Variants in EYS observed in about 807,000 individuals in gnomAD.
EYS encodes EGF-like photoreceptor maintenance factor, also known as protein eyes shut homolog.
In EYS, 250 loss-of-function variants were observed where a neutral mutation model predicts 282.1. That is an observed-to-expected ratio of 0.89 (90% confidence interval 0.80 to 0.98). EYS has a LOEUF of 0.98. EYS is among the 50% of genes least tolerant of loss of function. The probability of loss-of-function intolerance (pLI) is 0.00; values close to 1 mark genes in which losing one functional copy is unlikely to be tolerated. For synonymous variants in EYS, 1,355 were observed against 1,282.9 expected, an observed-to-expected ratio of 1.06 and a Z score of -1.20; for missense variants, 4,016 against 3,709.0, an observed-to-expected ratio of 1.08 and a Z score of -2.15.
chr6:64,407,011 G>T (rs1050521058), intron 28 of EYS, among the ~76,000 whole-genome samples: 2 of 152,130 alleles, frequency 1.3e-5, no homozygotes, highest in Non-Finnish European at 2.9e-5. Context: ...TATGTTCATT[G>T]CAGAACTGTT....
chr6:65,697,091 G>T (rs571422521), intron 1 of EYS, among the ~76,000 whole-genome samples: 5 of 151,090 alleles, frequency 3.3e-5, no homozygotes, highest in Admixed American at 2.6e-4. Flanking sequence ...TTGTGTGTTT[G>T]TGTGTGTGTG....
chr6:65,547,434 A>C (rs1768433625), intron 2 of EYS, among the ~76,000 whole-genome samples: 1 of 152,046 alleles, frequency 6.6e-6, no homozygotes, highest in Non-Finnish European at 1.5e-5. Flanking sequence ...ATAATATTAC[A>C]GTAATGAATG....
chr6:64,017,889 A>G (rs115848754), intron 33 of EYS, among the ~76,000 whole-genome samples: 2,430 of 152,306 alleles, frequency 0.016, 50 homozygotes, highest in African/African-American at 0.049. Flanking sequence ...TTCCTGATAC[A>G]TAAAGGAACT....
intron 33 of EYS, among the ~76,000 whole-genome samples, chr6:64,061,693 A>G (rs1771176901): frequency 6.6e-6 from 1 of 152,214 alleles, no homozygotes; most frequent in South Asian, 2.1e-4. Context: ...ATTTTTGAAA[A>G]TAAGTTTTTA....
chr6:64,295,518 A>AAGAAG (rs1554140755), intron 30 of EYS, among the ~76,000 whole-genome samples: 1 of 35,902 alleles, frequency 2.8e-5, no homozygotes, highest in African/African-American at 2.0e-4. Flanking sequence ...AAGAAAGAAG[A>AAGAAG]AAGAAGAAAG....
rs143650720 is a variant in EYS at position 64,440,886 on chromosome 6, G to T, written c.5645-1534C>A. On this transcript the variant is annotated intron_variant, in intron 26 of 42. Transcript: ENST00000503581. Reference sequence around the variant, plus strand: ...AAATATGTATTATTTAAAAACTATGGATGAATTTCACTCATCATGACATGT... The same window carrying T: ...AAATATGTATTATTTAAAAACTATGTATGAATTTCACTCATCATGACATGT... Among the ~76,000 whole-genome samples the T allele has an allele frequency of 4.1e-3, 623 of 152,170 alleles. 5 individuals carry two copies. The highest frequency in any genetic ancestry group is 0.014 in the African/African-American group (589 of 41,506).
intron 33 of EYS, among the ~76,000 whole-genome samples, chr6:64,042,474 A>G (rs114862465): frequency 0.014 from 2,095 of 152,290 alleles, 40 homozygotes; most frequent in African/African-American, 0.046. Flanking sequence ...TTTCTATTAA[A>G]TGCTCATACA....
intron 2 of EYS, among the ~76,000 whole-genome samples, chr6:65,568,505 A>T (rs1764364324): frequency 6.6e-6 from 1 of 152,092 alleles, no homozygotes; most frequent in South Asian, 2.1e-4. Context: ...CCCCCTCACT[A>T]GCTATTTAAA....
intron 31 of EYS, among the ~76,000 whole-genome samples, chr6:64,192,155 C>A (rs534035902): frequency 2.1e-5 from 3 of 145,438 alleles, no homozygotes; most frequent in African/African-American, 7.6e-5. Flanking sequence ...TCATGTCCTT[C>A]GCCCACTTTT....
chr6:64,069,422 A>T (rs1487044838), intron 32 of EYS, among the ~76,000 whole-genome samples: 2 of 151,786 alleles, frequency 1.3e-5, no homozygotes, highest in African/African-American at 2.4e-5. Context: ...TATTGTTTTT[A>T]TCAGTATATG....
chr6:63,763,561 A>G (rs780355035), intron 40 of EYS, among the ~76,000 whole-genome samples: 41 of 151,698 alleles, frequency 2.7e-4, no homozygotes, highest in Non-Finnish European at 5.2e-4. Flanking sequence ...TCCTGTTCTC[A>G]TGGTAATGAG....
At chr6:64,042,160 T>A (rs1285234160) in intron 33 of EYS, among the ~76,000 whole-genome samples, 1 of 152,156 alleles carries the variant, frequency 6.6e-6, no homozygotes, top group Non-Finnish European at 1.5e-5. Context: ...AGGCAGCAGG[T>A]CATATTTTTG....
chr6:65,461,322 C>G (rs1023362667), intron 5 of EYS, among the ~76,000 whole-genome samples: 1 of 152,136 alleles, frequency 6.6e-6, no homozygotes, highest in African/African-American at 2.4e-5. Context: ...CATTACATAT[C>G]TAGGAAAACT....
At chr6:65,392,826 A>G (rs1393909932) in intron 7 of EYS, among the ~76,000 whole-genome samples, 3 of 151,264 alleles carry the variant, frequency 2.0e-5, no homozygotes, top group Non-Finnish European at 3.0e-5. Flanking sequence ...TACTGGGTAT[A>G]TACCCAAAGG....
chr6:64,792,512 AG>A (rs1774222351), intron 22 of EYS, among the ~76,000 whole-genome samples: 4 of 152,036 alleles, frequency 2.6e-5, no homozygotes, highest in Admixed American at 2.6e-4. Flanking sequence ...AGCAGTACCA[AG>A]CTGTGAAGAG....
At chr6:64,932,656 T>C (rs1207937771) in intron 15 of EYS, among the ~76,000 whole-genome samples, 1 of 151,976 alleles carries the variant, frequency 6.6e-6, no homozygotes. Flanking sequence ...TGAGGCTCTA[T>C]ACAAGCAGGA....
chr6:65,592,967 T>C (rs1305023852), intron 2 of EYS, among the ~76,000 whole-genome samples: 1 of 152,030 alleles, frequency 6.6e-6, no homozygotes, highest in Non-Finnish European at 1.5e-5. Context: ...TCTTTAATTC[T>C]GCCTCCTGTT....
chr6:63,825,661 A>G (rs67239008), intron 36 of EYS, among the ~76,000 whole-genome samples: 20,304 of 152,156 alleles, frequency 0.13, 1,725 homozygotes, highest in African/African-American at 0.24. Context: ...ACCGCAGTTC[A>G]GCTCACAGGA....
chr6:64,593,886 A>T (rs1766487389), intron 24 of EYS, among the ~76,000 whole-genome samples: 1 of 152,210 alleles, frequency 6.6e-6, no homozygotes, highest in South Asian at 2.1e-4. Context: ...GAAAATTGCG[A>T]TAATGTATAA....
Sources: gnomAD v4.1 joint callset for allele counts (sites outside exome capture counted in the v4.1 genomes callset) on GRCh38, gnomAD v4.1.1 for gene constraint, MANE v1.5 for transcripts, NCBI Gene and HGNC (gene_info 2026-07-23, HGNC 2026-07-21) for gene names.